SPATS2: variants seen among roughly 807,000 people sequenced by gnomAD.
SPATS2 encodes the protein spermatogenesis-associated serine-rich protein 2.
In SPATS2, 38 loss-of-function variants were observed where a neutral mutation model predicts 63.7. The observed-to-expected ratio is 0.60, with a 90% CI of 0.46 to 0.78. The LOEUF (loss-of-function observed/expected upper bound fraction) is 0.78, where lower values mean the gene tolerates loss of function less well. SPATS2 is among the 30% of genes least tolerant of loss of function. The pLI is 0.00. For missense variants in SPATS2, 588 were observed against 666.2 expected (o/e 0.88, Z 1.29); for synonymous variants, 207 against 232.9 (o/e 0.89, Z 1.01).
At chr12:49,470,466 A>C (rs1281928046) in intron 3 of SPATS2, among the ~76,000 whole-genome samples, 1 of 152,162 alleles carries the variant, frequency 6.6e-6, no homozygotes, top group Non-Finnish European at 1.5e-5. Context: ...TTTTAAGTCT[A>C]TTATTTTCTC....
chr12:49,377,832 A>T (rs1474078626), intron 2 of SPATS2, among the ~76,000 whole-genome samples: 1 of 152,172 alleles, frequency 6.6e-6, no homozygotes, highest in Non-Finnish European at 1.5e-5. Flanking sequence ...GAGTACACAA[A>T]TCTGGCTTTG....
chr12:49,525,812 T>C (rs760214953), intron 13 of SPATS2, 132 bp from the exon 14 acceptor site: 71 of 977,084 alleles, frequency 7.3e-5, no homozygotes, highest in Middle Eastern at 2.9e-4. Flanking sequence ...AGAGAATTCT[T>C]TGAGTCTTGA....
chr12:49,405,337 T>G (rs753931108), intron 2 of SPATS2, among the ~76,000 whole-genome samples: 3 of 152,174 alleles, frequency 2.0e-5, no homozygotes, highest in Non-Finnish European at 4.4e-5. Flanking sequence ...GAATTCAACA[T>G]CTGTATTCAT....
chr12:49,450,318 C>T (rs930343825), intron 2 of SPATS2, among the ~76,000 whole-genome samples: 3 of 150,596 alleles, frequency 2.0e-5, no homozygotes, highest in East Asian at 2.0e-4. Context: ...GGCACCATAT[C>T]GGCTCACTGC....
chr12:49,493,760 C>A (rs949742991), intron 6 of SPATS2, among the ~76,000 whole-genome samples: 20 of 152,264 alleles, frequency 1.3e-4, no homozygotes, highest in African/African-American at 4.3e-4. Flanking sequence ...TTCTCCACCC[C>A]CAAGGCAAAC....
chr12:49,425,179 T>G (rs1393885565), intron 2 of SPATS2, among the ~76,000 whole-genome samples: 4 of 152,066 alleles, frequency 2.6e-5, no homozygotes, highest in Non-Finnish European at 5.9e-5. Context: ...GTACAAACCC[T>G]TTTTTTAGAT....
intron 2 of SPATS2, chr12:49,442,732 T>G (rs970206946): frequency 7.5e-6 from 1 of 134,024 alleles, no homozygotes; most frequent in Non-Finnish European, 1.5e-5. Context: ...GGCAGTGAGC[T>G]ATGATTGTGC....
chr12:49,489,410 A>G, intron 4 of SPATS2, 55 bp from the exon 5 acceptor site: 1 of 1,399,448 alleles, frequency 7.1e-7, no homozygotes, highest in Non-Finnish European at 1.0e-6. Flanking sequence ...TATAGGCCTC[A>G]GCTGCCTAGT....
intron 2 of SPATS2, among the ~76,000 whole-genome samples, chr12:49,386,036 G>A (rs145622464): frequency 1.2e-3 from 183 of 150,018 alleles, no homozygotes; most frequent in African/African-American, 4.1e-3. Flanking sequence ...GCTGATTTTC[G>A]TATTTTTTTT....
At chr12:49,472,631 A>AATATT (rs1052196063) in intron 3 of SPATS2, among the ~76,000 whole-genome samples, 5 of 147,730 alleles carry the variant, frequency 3.4e-5, no homozygotes, top group Admixed American at 2.7e-4. Flanking sequence ...ATATATATAA[A>AATATT]ATATTATATT....
intron 2 of SPATS2, among the ~76,000 whole-genome samples, chr12:49,383,094 T>G (rs1210866687): frequency 2.6e-5 from 4 of 152,064 alleles, no homozygotes; most frequent in African/African-American, 2.4e-5. Context: ...TTTGGCTCAA[T>G]GCAGCCTCCG....
chr12:49,394,200 T>C (rs1294046149), intron 2 of SPATS2, among the ~76,000 whole-genome samples: 1 of 151,996 alleles, frequency 6.6e-6, no homozygotes, highest in Non-Finnish European at 1.5e-5. Flanking sequence ...TAGCCGGGCT[T>C]CATGGTGCAC....
chr12:49,440,531 C>T (rs779723933), intron 2 of SPATS2, among the ~76,000 whole-genome samples: 1 of 149,038 alleles, frequency 6.7e-6, no homozygotes, highest in African/African-American at 2.5e-5. Context: ...TGCAGTGGTG[C>T]GATCTTGGCT....
At chr12:49,481,440 C>A (rs1592441828) in intron 3 of SPATS2, among the ~76,000 whole-genome samples, 1 of 147,886 alleles carries the variant, frequency 6.8e-6, no homozygotes, top group South Asian at 2.1e-4. Context: ...GAAAGCTCAA[C>A]AAGCTCAAGG....
chr12:49,403,630 CACACACACACAA>C (rs1209650637), intron 2 of SPATS2, among the ~76,000 whole-genome samples: 8 of 145,976 alleles, frequency 5.5e-5, no homozygotes, highest in African/African-American at 2.2e-4. Context: ...CACACACACA[CACACACACACAA>C]ACAAAACTGG....
chr12:49,485,354 G>A (rs1285373692), intron 4 of SPATS2, among the ~76,000 whole-genome samples: 2 of 151,392 alleles, frequency 1.3e-5, no homozygotes, highest in South Asian at 2.1e-4. Flanking sequence ...ATGCCCGGCC[G>A]AAATAGGTCT....
intron 3 of SPATS2, among the ~76,000 whole-genome samples, chr12:49,472,765 C>T (rs1216928718): frequency 6.6e-6 from 1 of 151,236 alleles, no homozygotes; most frequent in East Asian, 1.9e-4. Context: ...CAGGGCCAGG[C>T]GTGGTGTCTC....
chr12:49,525,574 A>C (rs1343664605), intron 13 of SPATS2, among the ~76,000 whole-genome samples: 1 of 152,246 alleles, frequency 6.6e-6, no homozygotes, highest in African/African-American at 2.4e-5. Context: ...TTATTATTCC[A>C]AATGTGTATT....
chr12:49,428,924 C>T (rs922161300), intron 2 of SPATS2, among the ~76,000 whole-genome samples: 2 of 152,010 alleles, frequency 1.3e-5, no homozygotes, highest in African/African-American at 4.8e-5. Context: ...TTGTTTAAAT[C>T]CGTTATGAAG....
Sources: gnomAD v4.1 joint callset for allele counts (sites outside exome capture counted in the v4.1 genomes callset) on GRCh38, gnomAD v4.1.1 for gene constraint, MANE v1.5 for transcripts, NCBI Gene and HGNC (gene_info 2026-07-23, HGNC 2026-07-21) for gene names.